Variants in TMEFF2 observed in about 807,000 individuals in gnomAD.
TMEFF2 encodes the protein tomoregulin-2.
Under a neutral mutation model 53.8 loss-of-function variants are expected in TMEFF2, and 28 were observed. The observed-to-expected ratio is 0.52, with a 90% CI of 0.39 to 0.71. The LOEUF (loss-of-function observed/expected upper bound fraction) is 0.71. Ranked by LOEUF, TMEFF2 falls within the 30% of genes least tolerant of loss-of-function variation. The pLI is 0.00. For missense variants in TMEFF2, 353 were observed against 455.2 expected, an observed-to-expected ratio of 0.78 and a Z score of 2.04; for synonymous variants, 162 against 166.3, an observed-to-expected ratio of 0.97 and a Z score of 0.20.
At chr2:192,079,071 C>T (rs1307317612) in intron 4 of TMEFF2, among the ~76,000 whole-genome samples, 1 of 152,174 alleles carries the variant, frequency 6.6e-6, no homozygotes, top group African/African-American at 2.4e-5. Context: ...GTTGGCTGAG[C>T]ACCTTCAACC....
At chr2:191,999,686 G>A (rs949627025) in intron 5 of TMEFF2, among the ~76,000 whole-genome samples, 2 of 151,914 alleles carry the variant, frequency 1.3e-5, no homozygotes, top group African/African-American at 4.8e-5. Context: ...ATCAGGAGTC[G>A]TATTTCTTTG....
At chr2:192,015,251 T>G (rs2105853965) in intron 5 of TMEFF2, among the ~76,000 whole-genome samples, 1 of 151,780 alleles carries the variant, frequency 6.6e-6, no homozygotes, top group Middle Eastern at 3.5e-3. Flanking sequence ...TGGAATATTT[T>G]TATTGACAGA....
intron 7 of TMEFF2, among the ~76,000 whole-genome samples, chr2:191,970,161 A>T (rs752544391): frequency 6.6e-5 from 10 of 152,068 alleles, no homozygotes; most frequent in Non-Finnish European, 1.3e-4. Flanking sequence ...CCTCTATTTA[A>T]CCTGTTAAAG....
At chr2:192,133,138 C>T (rs866728390) in intron 4 of TMEFF2, among the ~76,000 whole-genome samples, 29 of 151,046 alleles carry the variant, frequency 1.9e-4, no homozygotes, top group Middle Eastern at 3.4e-3. Context: ...TTAAGCACTC[C>T]TTTTTAGTTA....
intron 8 of TMEFF2, among the ~76,000 whole-genome samples, chr2:191,955,846 T>A (rs1019255377): frequency 6.6e-6 from 1 of 152,134 alleles, no homozygotes; most frequent in Non-Finnish European, 1.5e-5. Flanking sequence ...TAGGAAAAGA[T>A]GAACTCTGAG....
At chr2:192,025,086 G>A (rs916663607) in intron 5 of TMEFF2, among the ~76,000 whole-genome samples, 2 of 152,184 alleles carry the variant, frequency 1.3e-5, no homozygotes, top group East Asian at 3.9e-4. Flanking sequence ...TCAGGACTAA[G>A]TAATGATCCG....
Position 191,950,261 on chromosome 2 carries a change from T to C in TMEFF2, c.*50A>G, listed in dbSNP as rs1297035631. ...TTATTCTTTTGTCTATAATACTGTA[T>C]TGTGTAGTCCAAGCTCTCGGTAGTC... On this transcript the variant is annotated 3_prime_UTR_variant, in exon 10 of 10. Transcript: ENST00000272771. The C allele has an allele frequency of 2.5e-6, 4 of 1,604,664 alleles. No individual in the cohort carries two copies. The African/African-American group carries it at 5.4e-5, about 22-fold the overall frequency.
intron 4 of TMEFF2, among the ~76,000 whole-genome samples, chr2:192,132,574 T>C (rs981598097): frequency 4.0e-5 from 6 of 151,694 alleles, no homozygotes; most frequent in Non-Finnish European, 8.8e-5. Context: ...AAAAAAAAAG[T>C]TGCAATTCCT....
chr2:192,077,836 TTC>T (rs1321691077), intron 4 of TMEFF2, among the ~76,000 whole-genome samples: 2 of 152,192 alleles, frequency 1.3e-5, no homozygotes, highest in East Asian at 3.9e-4. Context: ...AAGCACAACG[TTC>T]TGATTTCTTA....
intron 7 of TMEFF2, among the ~76,000 whole-genome samples, chr2:191,964,246 TTCCTTCCTTCC>T (rs1692354812): frequency 3.0e-5 from 3 of 100,546 alleles, no homozygotes; most frequent in African/African-American, 1.1e-4. Context: ...CCTTCCTTCC[TTCCTTCCTTCC>T]TCCTTTCTTT....
At position 192,184,480 on chromosome 2, in the gene TMEFF2, T is replaced by C; in HGVS notation, c.286A>G (p.Asn96Asp). The C allele has an allele frequency of 6.2e-7, 1 of 1,613,158 alleles. No individual in the cohort carries two copies. ...CCACACACAGGCACATAGTCATTGT[T>C]GCACTGGGAAACACACAGATGTAAG... is the stretch of plus-strand genomic sequence containing the variant. Reference protein sequence around the residue: ...TVTCVCQFKCNNDYVPVCGSN... With the variant: ...TVTCVCQFKCDNDYVPVCGSN... Residue 96 changes from asparagine to aspartate, a missense_variant, in exon 3 of 10, where the codon AAC (asparagine) becomes GAC (aspartate). By Grantham distance (23) the Asn-to-Asp change is conservative. This residue lies in a region of TMEFF2 where 294 missense variants were observed against 397.3 expected (regional missense o/e 0.74). Transcript: ENST00000272771.
intron 4 of TMEFF2, among the ~76,000 whole-genome samples, chr2:192,120,570 T>C (rs1367654537): frequency 6.6e-6 from 1 of 152,232 alleles, no homozygotes; most frequent in East Asian, 1.9e-4. Flanking sequence ...TTGTGCCTTG[T>C]GGAGACTTTC....
At chr2:192,026,641 A>C (rs935905657) in intron 5 of TMEFF2, among the ~76,000 whole-genome samples, 3 of 152,196 alleles carry the variant, frequency 2.0e-5, no homozygotes, top group African/African-American at 7.2e-5. Flanking sequence ...TGAGTGCATA[A>C]ACAAGACTGA....
chr2:192,140,406 T>C (rs1213621146), intron 4 of TMEFF2, among the ~76,000 whole-genome samples: 1 of 152,196 alleles, frequency 6.6e-6, no homozygotes, highest in Non-Finnish European at 1.5e-5. Context: ...GCTAAAGTTG[T>C]AGGCTGAATT....
At chr2:191,989,901 T>C (rs1325775063) in intron 7 of TMEFF2, among the ~76,000 whole-genome samples, 1 of 152,148 alleles carries the variant, frequency 6.6e-6, no homozygotes, top group African/African-American at 2.4e-5. Flanking sequence ...ACCTTTCTTC[T>C]TGCATACTGA....
chr2:192,142,250 A>T (rs1055847660), intron 4 of TMEFF2, among the ~76,000 whole-genome samples: 1 of 152,138 alleles, frequency 6.6e-6, no homozygotes, highest in African/African-American at 2.4e-5. Context: ...CCTAGAAGCA[A>T]AGAACTCAAT....
chr2:191,969,170 G>T lies in TMEFF2; in HGVS notation c.746-12792C>A, dbSNP rs115103305. ...GTGTGTGTGTATATATATATATAGAGAGAGAGAGCTAACGTTTAGGACAGA... is the reference window on the plus strand; with the variant it reads ...GTGTGTGTGTATATATATATATAGATAGAGAGAGCTAACGTTTAGGACAGA... On this transcript the variant is annotated intron_variant, in intron 7 of 9. Transcript: ENST00000272771. Among the ~76,000 whole-genome samples the T allele has an allele frequency of 8.5e-3, 1,276 of 150,688 alleles. 11 individuals are homozygous for T. Among genetic ancestry groups the T allele is most frequent in the South Asian group, 0.018 (85 of 4,796 alleles).
intron 5 of TMEFF2, 124 bp downstream of exon 5, chr2:192,057,552 TCAC>T: frequency 8.1e-5 from 70 of 859,992 alleles, no homozygotes; most frequent in Admixed American, 7.0e-4. Context: ...ATTTTTTTTT[TCAC>T]TTGGGAACTG....
intron 5 of TMEFF2, among the ~76,000 whole-genome samples, chr2:192,050,731 T>A (rs1256625921): frequency 6.6e-6 from 1 of 152,346 alleles, no homozygotes; most frequent in South Asian, 2.1e-4. Context: ...GAATTCCTAG[T>A]CTTTTACTTC....
Sources: gnomAD v4.1 joint callset for allele counts (sites outside exome capture counted in the v4.1 genomes callset) on GRCh38, gnomAD v4.1.1 for gene constraint, gnomAD v4.1.1 regional missense constraint, MANE v1.5 for transcripts, NCBI Gene and HGNC (gene_info 2026-07-23, HGNC 2026-07-21) for gene names.